The following VGLL3 variants were observed in gnomAD, a reference collection of about 807,000 sequenced individuals.
VGLL3 encodes the protein transcription cofactor vestigial-like protein 3.
In VGLL3, 18 loss-of-function variants were observed where a neutral mutation model predicts 29.2. That is an observed-to-expected ratio of 0.62 (90% CI 0.43 to 0.91). VGLL3 has a LOEUF of 0.91. Ranked by LOEUF, VGLL3 falls within the 40% of genes least tolerant of loss-of-function variation. VGLL3 has a pLI of 0.00. For synonymous variants in VGLL3, 180 were observed against 151.8 expected, an observed-to-expected ratio of 1.19 and a Z score of -1.36; for missense variants, 440 against 413.2, an observed-to-expected ratio of 1.06 and a Z score of -0.56.
At chr3:86,983,255 A>G (rs1456647260) in intron 1 of VGLL3, among the ~76,000 whole-genome samples, 1 of 152,278 alleles carries the variant, frequency 6.6e-6, no homozygotes, top group Non-Finnish European at 1.5e-5. Flanking sequence ...TTTTTAAAAT[A>G]CAATGATTCT....
intron 3 of VGLL3, among the ~76,000 whole-genome samples, chr3:86,965,859 C>T (rs1329809594): frequency 6.6e-6 from 1 of 152,178 alleles, no homozygotes; most frequent in Non-Finnish European, 1.5e-5. Flanking sequence ...ATCAGTGAGA[C>T]TTCTGCCCAA....
intron 3 of VGLL3, 109 bp from the exon 4 acceptor site, chr3:86,947,176 G>T: frequency 1.4e-6 from 1 of 715,520 alleles, no homozygotes; most frequent in South Asian, 1.5e-5. Flanking sequence ...GATAATCCAG[G>T]CAACTGTGAG....
chr3:86,949,752 G>T (rs933352866), intron 3 of VGLL3, among the ~76,000 whole-genome samples: 1 of 150,766 alleles, frequency 6.6e-6, no homozygotes, highest in African/African-American at 2.4e-5. Flanking sequence ...GCGTGAACCC[G>T]GGAGGCAGAG....
At chr3:86,964,855 C>T (rs1348247963) in intron 3 of VGLL3, among the ~76,000 whole-genome samples, 3 of 152,126 alleles carry the variant, frequency 2.0e-5, no homozygotes, top group Non-Finnish European at 4.4e-5. Flanking sequence ...CATTTCTCTA[C>T]TAATGAAAAT....
At chr3:86,958,910 A>G (rs1704779850) in intron 3 of VGLL3, among the ~76,000 whole-genome samples, 1 of 152,206 alleles carries the variant, frequency 6.6e-6, no homozygotes, top group Non-Finnish European at 1.5e-5. Context: ...TAGGCTTATG[A>G]CATATGCCAG....
Position 86,944,322 on chromosome 3 carries a change from T to G in VGLL3, c.*2702A>C, listed in dbSNP as rs1002095460. Reference sequence around the variant, plus strand: ...GGTGCAATCACAGCTCACTGCAAGCTGCAAACTCAAACTCCCAGGCTCAAA... The same window carrying G: ...GGTGCAATCACAGCTCACTGCAAGCGGCAAACTCAAACTCCCAGGCTCAAA... On this transcript the variant is annotated 3_prime_UTR_variant, in exon 4 of 4. Coordinates refer to ENST00000398399, the MANE Select transcript of VGLL3 (RefSeq NM_016206.4). 6.6e-6 allele frequency: 1 copy of G among 152,530 alleles called. No homozygotes were observed. The highest frequency in any genetic ancestry group is 6.5e-5 in the Admixed American group (1 of 15,280). The allele number at this position is 152,530 out of a possible 1,614,324, so 9.4% of individuals were successfully genotyped here. A position where few individuals can be genotyped will look rare whatever the true frequency, so the allele number is the denominator to read the frequency against.
intron 3 of VGLL3, among the ~76,000 whole-genome samples, chr3:86,956,215 A>T (rs1036160941): frequency 8.5e-5 from 13 of 152,224 alleles, no homozygotes; most frequent in African/African-American, 3.1e-4. Flanking sequence ...TATATGACAG[A>T]TGAGAAACAG....
At position 86,990,640 on chromosome 3, in the gene VGLL3, G is replaced by C. The variant is rs766327450; in HGVS notation, c.104C>G (p.Pro35Arg). Residue 35 changes from proline to arginine, a missense_variant, in exon 1 of 4, where the codon CCG becomes CGG. Physicochemically the swap from Pro to Arg is moderately radical, Grantham distance 103. Transcript: ENST00000398399. Reference sequence around the variant, plus strand: ...CACCTGCTGGCCAGGTTGGGGCGCCGGCTGATAGTAGGCTGTGGGGCAGGT... The same window carrying C: ...CACCTGCTGGCCAGGTTGGGGCGCCCGCTGATAGTAGGCTGTGGGGCAGGT... ...ATTCPTAYYQPAPQPGQQKKL... is the reference protein window; with the variant it reads ...ATTCPTAYYQRAPQPGQQKKL... 7.3e-7 allele frequency: 1 copy of C among 1,374,016 alleles called. No individual in the cohort carries two copies. 85.1% of individuals were successfully genotyped at this position (1,374,016 alleles called of 1,614,324 possible). A position where few individuals can be genotyped will look rare whatever the true frequency, so the allele number is the denominator to read the frequency against.
intron 3 of VGLL3, among the ~76,000 whole-genome samples, chr3:86,951,763 C>G (rs370184772): frequency 6.6e-6 from 1 of 151,158 alleles, no homozygotes; most frequent in Non-Finnish European, 1.5e-5. Flanking sequence ...CGCCTATGTT[C>G]CCCATAATTG....
Position 86,942,453 on chromosome 3 carries a change from TC to T in VGLL3, c.*4570del. 6.6e-6 allele frequency: 1 copy of T among 151,574 alleles called. No individual in the cohort carries two copies. Among genetic ancestry groups the T allele is most frequent in the African/African-American group, 2.4e-5 (1 of 41,288 alleles). The allele number at this position is 151,574 out of a possible 1,614,324, so 9.4% of individuals were successfully genotyped here. ...CTGAGATCGTAAATGGTTGTGTTTT[TC>T]CCCCTTTTAATGCGGAAGATTTTTT... On this transcript the variant is annotated 3_prime_UTR_variant, in exon 4 of 4. Transcript: ENST00000398399.
chr3:86,941,692 T>C lies in VGLL3; in HGVS notation c.*5332A>G, dbSNP rs1204456237. The C allele has an allele frequency of 3.3e-5, 5 of 151,810 alleles. No individual in the cohort carries two copies. Among genetic ancestry groups the C allele is most frequent in the Non-Finnish European group, 7.4e-5 (5 of 67,946 alleles). The allele number at this position is 151,810 out of a possible 1,614,324, so 9.4% of individuals were successfully genotyped here. ...TTAAACAAAAAAGCACAATAGACAATAAAAGAAATAGAAAAGTTGAGATAC... is the reference window on the plus strand; with the variant it reads ...TTAAACAAAAAAGCACAATAGACAACAAAAGAAATAGAAAAGTTGAGATAC... On this transcript the variant is annotated 3_prime_UTR_variant, in exon 4 of 4. Transcript: ENST00000398399.
chr3:86,950,447 G>A (rs1265711901), intron 3 of VGLL3, among the ~76,000 whole-genome samples: 1 of 152,146 alleles, frequency 6.6e-6, no homozygotes, highest in East Asian at 1.9e-4. Flanking sequence ...TTTAAAAGAG[G>A]TGGTCTGATG....
intron 3 of VGLL3, among the ~76,000 whole-genome samples, chr3:86,964,093 T>G (rs974959947): frequency 3.9e-5 from 6 of 152,070 alleles, no homozygotes; most frequent in Non-Finnish European, 8.8e-5. Context: ...TTTTCAGTGG[T>G]TGGAAGAAAA....
chr3:86,946,894 A>G lies in VGLL3; in HGVS notation c.*130T>C. ...CTCAAGAAAGGCCGAAAACCAGTCA[A>G]CTGCGTGACACTTTGTCTTCTCCTT... On this transcript the variant is annotated 3_prime_UTR_variant, in exon 4 of 4. Transcript: ENST00000398399. 1.5e-6 allele frequency: 1 copy of G among 655,046 alleles called. No individual in the cohort carries two copies. Among genetic ancestry groups the G allele is most frequent in the Non-Finnish European group, 2.8e-6 (1 of 356,020 alleles). 40.6% of individuals were successfully genotyped at this position (655,046 alleles called of 1,614,324 possible).
At chr3:86,971,621 ATG>A (rs1246265979) in intron 2 of VGLL3, among the ~76,000 whole-genome samples, 2 of 152,212 alleles carry the variant, frequency 1.3e-5, no homozygotes, top group Non-Finnish European at 2.9e-5. Flanking sequence ...TGAGGTAACT[ATG>A]TTTTCTTGAA....
intron 2 of VGLL3, among the ~76,000 whole-genome samples, chr3:86,971,032 A>G (rs1705090162): frequency 6.6e-6 from 1 of 152,216 alleles, no homozygotes; most frequent in Non-Finnish European, 1.5e-5. Context: ...ATGTGAGTTT[A>G]AGAGAGTATT....
At chr3:86,979,738 G>A (rs1705284090) in intron 1 of VGLL3, among the ~76,000 whole-genome samples, 1 of 152,012 alleles carries the variant, frequency 6.6e-6, no homozygotes. Context: ...TGCAGAGTCA[G>A]AATGCATAAG....
At chr3:86,963,055 AT>A in intron 3 of VGLL3, 1 of 204,638 alleles carries the variant, frequency 4.9e-6, no homozygotes, top group Non-Finnish European at 1.1e-5. Context: ...AGATCTCGCC[AT>A]TGCACTCCAG....
intron 1 of VGLL3, among the ~76,000 whole-genome samples, chr3:86,987,422 T>G (rs114425206): frequency 0.014 from 2,077 of 152,298 alleles, 21 homozygotes; most frequent in Non-Finnish European, 0.021. Flanking sequence ...ATATACTCCA[T>G]TTTATATGAA....
Sources: gnomAD v4.1 joint callset for allele counts (sites outside exome capture counted in the v4.1 genomes callset) on GRCh38, gnomAD v4.1.1 for gene constraint, MANE v1.5 for transcripts, NCBI Gene and HGNC (gene_info 2026-07-23, HGNC 2026-07-21) for gene names.